The following MUSK variants were observed in gnomAD, a reference collection of about 807,000 sequenced individuals.
The protein encoded by MUSK is muscle, skeletal receptor tyrosine-protein kinase.
In MUSK, 55 loss-of-function variants were observed where a neutral mutation model predicts 88.7. The observed-to-expected ratio is 0.62, with a 90% confidence interval of 0.50 to 0.78. The LOEUF (loss-of-function observed/expected upper bound fraction) is 0.78, where lower values mean the gene tolerates loss of function less well. MUSK is among the 30% of genes least tolerant of loss of function. The pLI is 0.00. For missense variants in MUSK, 1,015 were observed against 1,074.3 expected (o/e 0.94, Z 0.77); for synonymous variants, 387 against 391.9 (o/e 0.99, Z 0.15).
In MUSK at chr9:110,790,804, C is replaced by T. The variant is rs555735839; in HGVS notation, c.1927+2966C>T. 3.9e-5 allele frequency among the ~76,000 whole-genome samples: 6 copies of T among 152,216 alleles called. No individual in the cohort carries two copies. In the East Asian group the frequency reaches 1.2e-3, roughly 29 times the overall value. ...ATATGATTGGCAAGAACATTAAAAG[C>T]TTACTTGAAATTAGAGATTACACAT... On this transcript the variant is annotated intron_variant, in intron 14 of 14. Transcript: ENST00000374448.
chr9:110,784,730 A>G, intron 11 of MUSK, 85 bp from the exon 12 acceptor site: 1 of 1,051,906 alleles, frequency 9.5e-7, no homozygotes, highest in Non-Finnish European at 1.4e-6. Context: ...TATTATCATG[A>G]AATTTATTTT....
intron 14 of MUSK, among the ~76,000 whole-genome samples, chr9:110,800,058 C>T (rs1234599602): frequency 6.6e-6 from 1 of 152,110 alleles, no homozygotes; most frequent in Non-Finnish European, 1.5e-5. Flanking sequence ...AGGACAACAG[C>T]GCTCTGCTGG....
intron 9 of MUSK, among the ~76,000 whole-genome samples, chr9:110,771,828 C>T (rs78729065): frequency 6.6e-6 from 1 of 152,094 alleles, no homozygotes; most frequent in Admixed American, 6.6e-5. Context: ...ATAATTTATT[C>T]CTGCAATTTG....
At chr9:110,764,212 A>G (rs548599628) in intron 8 of MUSK, among the ~76,000 whole-genome samples, 2 of 152,346 alleles carry the variant, frequency 1.3e-5, no homozygotes, top group African/African-American at 4.8e-5. Context: ...AATGAGCAAC[A>G]GGACCAGCTG....
At chr9:110,682,597 T>C (rs2076147315) in intron 1 of MUSK, 77 bp from the exon 2 acceptor site, 6 of 1,448,768 alleles carry the variant, frequency 4.1e-6, no homozygotes, top group Admixed American at 4.0e-5. Flanking sequence ...AGGTATGTAA[T>C]GGCTTCTGAC....
At chr9:110,730,570 A>C (rs1257472060) in intron 5 of MUSK, among the ~76,000 whole-genome samples, 1 of 152,066 alleles carries the variant, frequency 6.6e-6, no homozygotes, top group Non-Finnish European at 1.5e-5. Flanking sequence ...CTACCACTGA[A>C]ATAATGGGAT....
chr9:110,677,238 T>C (rs2076043788), intron 1 of MUSK, among the ~76,000 whole-genome samples: 1 of 152,174 alleles, frequency 6.6e-6, no homozygotes, highest in Non-Finnish European at 1.5e-5. Flanking sequence ...CTTTTATTGT[T>C]AAACTCTGCT....
intron 5 of MUSK, among the ~76,000 whole-genome samples, chr9:110,730,956 T>A (rs1447538924): frequency 6.6e-6 from 1 of 152,042 alleles, no homozygotes; most frequent in Non-Finnish European, 1.5e-5. Context: ...CTGGTAAACT[T>A]ACTTACACAC....
intron 6 of MUSK, among the ~76,000 whole-genome samples, chr9:110,744,393 C>T (rs148356597): frequency 2.2e-4 from 33 of 152,250 alleles, no homozygotes; most frequent in East Asian, 1.6e-3. Context: ...ATAAAATTAT[C>T]GGATTATCCA....
Position 110,733,355 on chromosome 9 carries a change from T to C in MUSK, c.629-896T>C, listed in dbSNP as rs1587969350. On this transcript the variant is annotated intron_variant, in intron 5 of 14. Transcript: ENST00000374448. The stretch of plus-strand genomic sequence containing the variant: ...CACTGCTATAAGATAAGAACAGGAA[T>C]CTAGCCAATCTCTGGAGTCTCTTCC... Among the ~76,000 whole-genome samples the C allele has an allele frequency of 2.0e-5, 3 of 152,192 alleles. No homozygotes were observed. The East Asian group carries it at 5.8e-4, about 30-fold the overall frequency.
At chr9:110,764,110 T>C (rs2131939658) in intron 8 of MUSK, among the ~76,000 whole-genome samples, 1 of 152,318 alleles carries the variant, frequency 6.6e-6, no homozygotes, top group East Asian at 1.9e-4. Flanking sequence ...TGTGCAATAT[T>C]AACTAGCATT....
intron 7 of MUSK, among the ~76,000 whole-genome samples, chr9:110,761,677 G>A (rs1486927041): frequency 7.2e-6 from 1 of 139,662 alleles, no homozygotes; most frequent in Non-Finnish European, 1.5e-5. Context: ...GGGGGTTCAC[G>A]CCATTCTCCT....
At chr9:110,692,028 ATTTTTCTT>A (rs1412864847) in intron 3 of MUSK, among the ~76,000 whole-genome samples, 1 of 151,846 alleles carries the variant, frequency 6.6e-6, no homozygotes, top group African/African-American at 2.4e-5. Flanking sequence ...AAAGTTTAGG[ATTTTTCTT>A]TTTTTTCTAG....
chr9:110,780,914 A>C (rs1328217675), intron 11 of MUSK, among the ~76,000 whole-genome samples: 2 of 152,318 alleles, frequency 1.3e-5, no homozygotes, highest in East Asian at 1.9e-4. Context: ...TCCCATTGAA[A>C]TCAGGATGGT....
chr9:110,733,659 T>A (rs571680663), intron 5 of MUSK, among the ~76,000 whole-genome samples: 1 of 152,166 alleles, frequency 6.6e-6, no homozygotes, highest in South Asian at 2.1e-4. Flanking sequence ...GGGTGTAAAG[T>A]GTAATTATTT....
At chr9:110,776,797 A>G in intron 11 of MUSK, 142 bp downstream of exon 11, 3 of 686,500 alleles carry the variant, frequency 4.4e-6, no homozygotes, top group Non-Finnish European at 7.3e-6. Flanking sequence ...CATCCAGGGT[A>G]TAACATGAGG....
At position 110,768,061 on chromosome 9, in the gene MUSK, C is replaced by T. The variant is rs921440607; in HGVS notation, c.1162C>T (p.Pro388Ser). The change falls in exon 9 of 15, where the codon CCT (proline) becomes TCT (serine). Residue 388 changes from proline (P) to serine (S), a missense_variant. Coordinates refer to ENST00000374448, the MANE Select transcript of MUSK (RefSeq NM_005592.4). ...IFQECSPGVV[P>S]TPIPICREYC... Reference sequence around the variant, plus strand: ...CCAGGAGTGCAGTCCTGGAGTAGTGCCTACTCCTATTCCCATTTGCAGGTA... The same window carrying T: ...CCAGGAGTGCAGTCCTGGAGTAGTGTCTACTCCTATTCCCATTTGCAGGTA... 5.0e-6 allele frequency: 8 copies of T among 1,609,790 alleles called. No individual in the cohort carries two copies. The African/African-American group carries it at 5.3e-5, about 11-fold the overall frequency.
At chr9:110,688,904 T>G (rs1277150688) in intron 3 of MUSK, among the ~76,000 whole-genome samples, 1 of 147,740 alleles carries the variant, frequency 6.8e-6, no homozygotes, top group Non-Finnish European at 1.5e-5. Flanking sequence ...TGTTTTATTG[T>G]TTTTTTGTTA....
chr9:110,687,555 G>A (rs147659479), intron 3 of MUSK, among the ~76,000 whole-genome samples: 1 of 151,910 alleles, frequency 6.6e-6, no homozygotes, highest in African/African-American at 2.4e-5. Context: ...GGCTGGTCTC[G>A]AACTCCTGAC....
Sources: allele counts gnomAD v4.1 joint callset (sites outside exome capture counted in the v4.1 genomes callset), GRCh38; gene constraint gnomAD v4.1.1; transcripts MANE v1.5; gene names NCBI Gene and HGNC (gene_info 2026-07-23, HGNC 2026-07-21).